Variants in ZSCAN10 observed in about 807,000 individuals in gnomAD.
The protein encoded by ZSCAN10 is zinc finger and SCAN domain-containing protein 10.
ZSCAN10 carries 52 observed loss-of-function variants against 63.7 expected under a neutral mutation model. That is an observed-to-expected ratio of 0.82 (90% CI 0.65 to 1.03). The LOEUF is 1.03. Ranked by LOEUF, ZSCAN10 falls within the 50% of genes least tolerant of loss-of-function variation. ZSCAN10 has a pLI of 0.00. For missense variants in ZSCAN10, 1,223 were observed against 1,103.8 expected (o/e 1.11, Z -1.53); for synonymous variants, 544 against 479.6 (o/e 1.13, Z -1.76).
intron 1 of ZSCAN10, among the ~76,000 whole-genome samples, chr16:3,097,987 G>A (rs1437518880): frequency 1.4e-5 from 2 of 142,948 alleles, no homozygotes; most frequent in Admixed American, 7.3e-5. Flanking sequence ...AAGCTGCAGT[G>A]AGCCATGTTC....
rs909985077 is a variant in ZSCAN10, at chr16:3,093,040, C to T, written c.-67-36G>A. On this transcript the variant is annotated intron_variant, in intron 1 of 5. Coordinates refer to ENST00000576985, the MANE Select transcript of ZSCAN10 (RefSeq NM_032805.3). Reference sequence around the variant, plus strand: ...GAACACCCTGGGTTAGGATCTGCTGCGAGGAAGCTGGCCCCATACCTGGGT... The same window carrying T: ...GAACACCCTGGGTTAGGATCTGCTGTGAGGAAGCTGGCCCCATACCTGGGT... The T allele has an allele frequency of 2.8e-5, 37 of 1,315,856 alleles. 1 individual carries two copies. The South Asian group carries it at 5.6e-4, about 20-fold the overall frequency. 81.5% of individuals were successfully genotyped at this position (1,315,856 alleles called of 1,614,324 possible). A position where few individuals can be genotyped will look rare whatever the true frequency, so the allele number is the denominator to read the frequency against.
chr16:3,097,239 T>C (rs1347506079), intron 1 of ZSCAN10, among the ~76,000 whole-genome samples: 1 of 127,836 alleles, frequency 7.8e-6, no homozygotes, highest in Middle Eastern at 3.6e-3. Context: ...GGTGTTGTGG[T>C]ACAGAATGGG....
rs201671954 is a variant in ZSCAN10, at chr16:3,091,616, C to A, written c.730-19G>T. The A allele has an allele frequency of 1.1e-5, 17 of 1,614,184 alleles. No individual in the cohort carries two copies. The East Asian group carries it at 3.6e-4, about 34-fold the overall frequency. The stretch of plus-strand genomic sequence containing the variant: ...GGCACTCCTGTATCAAGAGCAGAAA[C>A]CCTTGGTGAGTGAGGAACATGCCTC... On this transcript the variant is annotated intron_variant, in intron 4 of 5. Coordinates refer to ENST00000576985, the MANE Select transcript of ZSCAN10 (RefSeq NM_032805.3).
Position 3,092,659 on chromosome 16 carries a change from C to T in ZSCAN10, c.279G>A (p.Leu93=). 2 of 1,613,174 alleles carry T rather than the reference C, an allele frequency of 1.2e-6. No homozygotes were observed. Among genetic ancestry groups the T allele is most frequent in the Non-Finnish European group, 1.7e-6 (2 of 1,179,862 alleles). ...ILELLVLEQF[L]SVLPPHLLGR... ...CCAGGAGGTGCGGAGGCAGCACACT[C>T]AGGAACTGCTCCAGCACCAGCAGCT... Residue 93 remains leucine, a synonymous_variant, in exon 2 of 6, where the codon CTG becomes CTA. Coordinates refer to ENST00000576985, the MANE Select transcript of ZSCAN10 (RefSeq NM_032805.3).
At position 3,089,177 on chromosome 16, in the gene ZSCAN10, A is replaced by G; in HGVS notation, c.2257T>C (p.Ser753Pro). ...AAGCTGCGGCCACACTGCGTGCAGG[A>G]GTAGGGCCTGGCGCCCGTGTGCACC... is the stretch of plus-strand genomic sequence containing the variant. Reference protein sequence around the residue: ...LLVHTGARPYSCTQCGRSFSR... With the variant: ...LLVHTGARPYPCTQCGRSFSR... The change falls in exon 6 of 6, where the codon TCC becomes CCC. Residue 753 changes from serine (S) to proline (P), a missense_variant. Ser to Pro is a moderately conservative substitution (Grantham distance 74). Transcript: ENST00000576985. 6.4e-7 allele frequency: 1 copy of G among 1,572,910 alleles called. No individual in the cohort carries two copies. Among genetic ancestry groups the G allele is most frequent in the Non-Finnish European group, 8.6e-7 (1 of 1,167,748 alleles).
chr16:3,091,570 C>G lies in ZSCAN10; in HGVS notation c.757G>C (p.Glu253Gln), dbSNP rs184489306. The change falls in exon 5 of 6, where the codon GAG becomes CAG. Residue 253 changes from glutamate (E) to glutamine (Q), a missense_variant. Transcript: ENST00000576985. ...LECLTFEDVP[E>Q]NKAWPAHPLG... ...GGGTGTGCAGGCCACGCCTTATTCT[C>G]TGGCACATCCTCAAAGGTCAGGCAC... 150 of 1,614,218 alleles carry G rather than the reference C, an allele frequency of 9.3e-5. No homozygotes were observed. In the East Asian group the frequency reaches 3.3e-3, roughly 35 times the overall value.
rs769918677 is a variant in ZSCAN10 at position 3,089,719 on chromosome 16, T to C, written c.1715A>G (p.His572Arg). 14 of 1,604,168 alleles carry C rather than the reference T, an allele frequency of 8.7e-6. No homozygotes were observed. Among genetic ancestry groups the C allele is most frequent in the Non-Finnish European group, 1.1e-5 (13 of 1,179,056 alleles). ...ACAGGCGTAGGGCTTCTCGCCCGTG[T>C]GCACCCGTTGGTGGCTGACCAGCTG... ...SSQLVSHQRV[H>R]TGEKPYACPQ... is the part of the protein sequence containing the mutation. Residue 572 changes from histidine to arginine, a missense_variant, in exon 6 of 6, where the codon CAC becomes CGC. Transcript: ENST00000576985.
At chr16:3,095,887 C>T (rs1300174797) in intron 1 of ZSCAN10, among the ~76,000 whole-genome samples, 1 of 151,822 alleles carries the variant, frequency 6.6e-6, no homozygotes, top group Non-Finnish European at 1.5e-5. Flanking sequence ...TCCTAGCTAC[C>T]TGGGAGGCTG....
chr16:3,089,349 G>A lies in ZSCAN10; in HGVS notation c.2085C>T (p.Cys695=), dbSNP rs754765130. The A allele has an allele frequency of 6.3e-7, 1 of 1,594,278 alleles. No individual in the cohort carries two copies. ...GCGCGTTGCGCCGGAAGCTGCGACC[G>A]CACGTCTGACAGCTGTAGGGCCGCT... ...TGERPYSCQT[C]GRSFRRNAHL... is the part of the protein sequence containing the mutation. Residue 695 remains cysteine (C), a synonymous_variant, in exon 6 of 6, where the codon TGC becomes TGT. Coordinates refer to ENST00000576985, the MANE Select transcript of ZSCAN10 (RefSeq NM_032805.3).
Position 3,089,132 on chromosome 16 carries a change from G to A in ZSCAN10, c.2302C>T (p.Leu768=), listed in dbSNP as rs776947172. The change falls in exon 6 of 6, where the codon CTG becomes TTG. Residue 768 remains leucine (L), a synonymous_variant. Transcript: ENST00000576985. The stretch of plus-strand genomic sequence containing the variant: ...CGGGCGTGGGTGCGCAGGTGGCGCA[G>A]CAGGTGGGAGTTGCGGCTGAAGCTG... ...GRSFSRNSHL[L]RHLRTHARET... The A allele has an allele frequency of 2.0e-6, 3 of 1,520,800 alleles. No individual in the cohort carries two copies. The highest frequency in any genetic ancestry group is 1.7e-6 in the Non-Finnish European group (2 of 1,145,026). The allele number at this position is 1,520,800 out of a possible 1,614,324, so 94.2% of individuals were successfully genotyped here.
chr16:3,095,590 G>T (rs1957142800), intron 1 of ZSCAN10, among the ~76,000 whole-genome samples: 1 of 150,334 alleles, frequency 6.7e-6, no homozygotes, highest in Non-Finnish European at 1.5e-5. Context: ...CCAGCACTTT[G>T]GGAGGCCGAG....
In ZSCAN10 at chr16:3,089,403, C is replaced by G; in HGVS notation, c.2031G>C (p.Leu677=). The G allele has an allele frequency of 6.2e-7, 1 of 1,604,364 alleles. No homozygotes were observed. Among genetic ancestry groups the G allele is most frequent in the Non-Finnish European group, 8.5e-7 (1 of 1,178,496 alleles). ...CGHRFRNSSN[L]ARHRRSHTGE... is the part of the protein sequence containing the mutation. ...CCGTGTGGCTGCGGCGATGGCGGGCCAGGTTGGAGCTATTGCGGAAACGGT... is the reference window on the plus strand; with the variant it reads ...CCGTGTGGCTGCGGCGATGGCGGGCGAGGTTGGAGCTATTGCGGAAACGGT... Residue 677 remains leucine (L), a synonymous_variant, in exon 6 of 6, where the codon CTG becomes CTC. Transcript: ENST00000576985.
At chr16:3,094,881 G>A (rs948568807) in intron 1 of ZSCAN10, among the ~76,000 whole-genome samples, 4 of 150,508 alleles carry the variant, frequency 2.7e-5, no homozygotes, top group Non-Finnish European at 5.9e-5. Context: ...GGGGCCAGTC[G>A]GAAAATGGTG....
intron 1 of ZSCAN10, among the ~76,000 whole-genome samples, chr16:3,098,629 C>G (rs968681986): frequency 6.6e-6 from 1 of 152,060 alleles, no homozygotes; most frequent in Non-Finnish European, 1.5e-5. Flanking sequence ...CCCAGATCTC[C>G]AGGACAAAAG....
chr16:3,096,052 T>G (rs1427399844), intron 1 of ZSCAN10, among the ~76,000 whole-genome samples: 1 of 152,070 alleles, frequency 6.6e-6, no homozygotes, highest in Non-Finnish European at 1.5e-5. Context: ...GGCACTGACA[T>G]CCTCCCCCAA....
chr16:3,092,676 C>T lies in ZSCAN10; in HGVS notation c.262G>A (p.Val88Met). The T allele has an allele frequency of 6.2e-7, 1 of 1,613,462 alleles. No homozygotes were observed. The highest frequency in any genetic ancestry group is 8.5e-7 in the Non-Finnish European group (1 of 1,179,916). ...HTKKQILELL[V>M]LEQFLSVLPP... is the part of the protein sequence containing the mutation. ...AGCACACTCAGGAACTGCTCCAGCA[C>T]CAGCAGCTCCAGGATCTGTTTCTTG... is the stretch of plus-strand genomic sequence containing the variant. Residue 88 changes from valine (V) to methionine (M), a missense_variant, in exon 2 of 6, where the codon GTG (valine) becomes ATG (methionine). Physicochemically the swap from Val to Met is conservative, Grantham distance 21 (BLOSUM62 1). Transcript: ENST00000576985.
At position 3,089,228 on chromosome 16, in the gene ZSCAN10, T is replaced by A; in HGVS notation, c.2206A>T (p.Ser736Cys). 1 of 1,584,374 alleles carries A rather than the reference T, an allele frequency of 6.3e-7. No homozygotes were observed. The highest frequency in any genetic ancestry group is 8.5e-7 in the Non-Finnish European group (1 of 1,172,246). ...AGCAGGTGTCGCAGCAGATTGCAGCTGCGGCTGAAGCTCTTCCCGCACTCC... is the reference window on the plus strand; with the variant it reads ...AGCAGGTGTCGCAGCAGATTGCAGCAGCGGCTGAAGCTCTTCCCGCACTCC... ...CVECGKSFSR[S>C]CNLLRHLLVH... The change falls in exon 6 of 6, where the codon AGC becomes TGC. Residue 736 changes from serine (S) to cysteine (C), a missense_variant. By Grantham distance (112) the Ser-to-Cys change is moderately radical. Transcript: ENST00000576985.
Position 3,090,135 on chromosome 16 carries a change from C to G in ZSCAN10, c.1299G>C (p.Leu433=). The part of the protein sequence containing the change: ...LLTHSSEPAF[L]CAECGRGFQR... ...GGAAGCCGCGGCCGCACTCTGCGCA[C>G]AGGAAGGCGGGTTCGGAGGAGTGGG... Residue 433 remains leucine (L), a synonymous_variant, in exon 6 of 6, where the codon CTG becomes CTC. Coordinates refer to ENST00000576985, the MANE Select transcript of ZSCAN10 (RefSeq NM_032805.3). 1 of 1,600,572 alleles carries G rather than the reference C, an allele frequency of 6.2e-7. No individual in the cohort carries two copies. Among genetic ancestry groups the G allele is most frequent in the Non-Finnish European group, 8.5e-7 (1 of 1,176,954 alleles).
At position 3,090,481 on chromosome 16, in the gene ZSCAN10, C is replaced by T. The variant is rs776684114; in HGVS notation, c.953G>A (p.Gly318Asp). The part of the protein sequence containing the change: ...LGRGAAASGP[G>D]EDGSLLGSSE... ...GCTGCCAAGAAGGGACCCATCTTCA[C>T]CAGGGCCGCTAGCCGCAGCGCCCCG... Residue 318 changes from glycine to aspartate, a missense_variant, in exon 6 of 6, where the codon GGT becomes GAT. Transcript: ENST00000576985. 8.1e-6 allele frequency: 13 copies of T among 1,613,574 alleles called. No homozygotes were observed. In the South Asian group the frequency reaches 9.9e-5, roughly 12 times the overall value.
Sources: allele counts gnomAD v4.1 joint callset (sites outside exome capture counted in the v4.1 genomes callset), GRCh38; gene constraint gnomAD v4.1.1; transcripts MANE v1.5; gene names NCBI Gene and HGNC (gene_info 2026-07-23, HGNC 2026-07-21).